Variants in HCN1 observed in about 807,000 individuals in gnomAD.
The protein encoded by HCN1 is hyperpolarization activated cyclic nucleotide gated potassium channel 1.
Under a neutral mutation model 78.9 loss-of-function variants are expected in HCN1, and 13 were observed. The ratio of observed to expected loss-of-function variants is 0.16; its 90% CI spans 0.11 to 0.26. The LOEUF is 0.26. HCN1 is among the 10% of genes least tolerant of loss of function. HCN1 has a pLI of 1.00. For missense variants in HCN1, 810 were observed against 1,154.3 expected, an observed-to-expected ratio of 0.70 and a Z score of 4.32; for synonymous variants, 552 against 455.5, an observed-to-expected ratio of 1.21 and a Z score of -2.70.
chr5:45,351,226 T>G (rs1746893874), intron 5 of HCN1, among the ~76,000 whole-genome samples: 1 of 151,552 alleles, frequency 6.6e-6, no homozygotes, highest in Non-Finnish European at 1.5e-5. Flanking sequence ...ATGCCGCATA[T>G]CTACAACTAT....
intron 5 of HCN1, among the ~76,000 whole-genome samples, chr5:45,342,532 G>C (rs1746608277): frequency 6.6e-6 from 1 of 151,852 alleles, no homozygotes; most frequent in Non-Finnish European, 1.5e-5. Flanking sequence ...GTGAGCCACT[G>C]CTCCCAGCTT....
intron 2 of HCN1, among the ~76,000 whole-genome samples, chr5:45,503,614 C>T (rs981618886): frequency 2.6e-5 from 4 of 151,190 alleles, no homozygotes; most frequent in Non-Finnish European, 5.9e-5. Context: ...GTTTTAAATC[C>T]TATTATTTTT....
chr5:45,297,197 G>A (rs1745514097), intron 6 of HCN1, among the ~76,000 whole-genome samples: 1 of 152,074 alleles, frequency 6.6e-6, no homozygotes, highest in South Asian at 2.1e-4. Context: ...TGAATTAAAG[G>A]AATACGTTGG....
chr5:45,292,406 G>A (rs554956493), intron 6 of HCN1, among the ~76,000 whole-genome samples: 81 of 151,956 alleles, frequency 5.3e-4, no homozygotes, highest in South Asian at 1.7e-3. Flanking sequence ...TTTTTTAACC[G>A]TGTTAAATTT....
At chr5:45,349,286 C>T (rs942975916) in intron 5 of HCN1, among the ~76,000 whole-genome samples, 7 of 152,130 alleles carry the variant, frequency 4.6e-5, no homozygotes, top group Non-Finnish European at 7.4e-5. Context: ...GGGTACATAA[C>T]GAAATGAAGG....
chr5:45,453,105 T>G (rs972298099), intron 3 of HCN1, among the ~76,000 whole-genome samples: 3 of 152,006 alleles, frequency 2.0e-5, no homozygotes, highest in African/African-American at 7.2e-5. Context: ...GTCTGGAAAA[T>G]TATCTGAAAA....
intron 5 of HCN1, among the ~76,000 whole-genome samples, chr5:45,339,708 G>T (rs1746535614): frequency 6.6e-6 from 1 of 152,146 alleles, no homozygotes; most frequent in Non-Finnish European, 1.5e-5. Flanking sequence ...TGTGACAGAT[G>T]TTGAGGTAAT....
intron 2 of HCN1, among the ~76,000 whole-genome samples, chr5:45,588,843 A>T (rs936585583): frequency 2.0e-5 from 3 of 152,222 alleles, no homozygotes; most frequent in Admixed American, 6.5e-5. Context: ...CTTGCTGGGC[A>T]TGCTGAGCTC....
chr5:45,502,342 C>T (rs1388106240), intron 2 of HCN1, among the ~76,000 whole-genome samples: 4 of 151,570 alleles, frequency 2.6e-5, no homozygotes, highest in East Asian at 1.9e-4. Flanking sequence ...AATAGCCAGC[C>T]GTGGTGGTGC....
At chr5:45,509,801 T>C (rs774300130) in intron 2 of HCN1, among the ~76,000 whole-genome samples, 2 of 152,158 alleles carry the variant, frequency 1.3e-5, no homozygotes, top group Non-Finnish European at 2.9e-5. Context: ...AAATACATTT[T>C]GTTGTGGAAC....
chr5:45,321,466 T>A (rs1194075830), intron 5 of HCN1, among the ~76,000 whole-genome samples: 1 of 150,266 alleles, frequency 6.7e-6, no homozygotes. Context: ...CAGTGGGGCC[T>A]CCCTGTTATC....
At chr5:45,301,143 A>G (rs1745609481) in intron 6 of HCN1, among the ~76,000 whole-genome samples, 1 of 152,014 alleles carries the variant, frequency 6.6e-6, no homozygotes, top group Non-Finnish European at 1.5e-5. Context: ...CTTAGCTGTA[A>G]ATGAGGAACA....
intron 5 of HCN1, among the ~76,000 whole-genome samples, chr5:45,326,237 T>A (rs889464064): frequency 2.0e-5 from 3 of 151,670 alleles, no homozygotes; most frequent in African/African-American, 7.2e-5. Context: ...CATAAATTTT[T>A]AAAAAATAAA....
intron 4 of HCN1, among the ~76,000 whole-genome samples, chr5:45,365,822 G>T (rs1747223639): frequency 6.6e-6 from 1 of 151,790 alleles, no homozygotes; most frequent in East Asian, 1.9e-4. Context: ...AAACAAGCAA[G>T]TCAGACACCT....
intron 3 of HCN1, among the ~76,000 whole-genome samples, chr5:45,417,689 C>T (rs972510865): frequency 3.0e-5 from 4 of 132,744 alleles, no homozygotes; most frequent in South Asian, 4.7e-4. Context: ...TTAATTTAGC[C>T]AAGCAGACAA....
rs1001972554 is a variant in HCN1, at chr5:45,493,646, A to T, written c.850-31639T>A. ...TTAAGTTTTAGGGTACATGTGCACA[A>T]TGTGCAGGTTAGTTACATATGTATA... On this transcript the variant is annotated intron_variant, in intron 2 of 7. Coordinates refer to ENST00000303230, the MANE Select transcript of HCN1 (RefSeq NM_021072.4). Among the ~76,000 whole-genome samples, 13 of 151,512 alleles carry T rather than the reference A, an allele frequency of 8.6e-5. 1 individual carries two copies. The highest frequency in any genetic ancestry group is 1.8e-4 in the Non-Finnish European group (12 of 67,908).
At chr5:45,533,386 G>A (rs111996881) in intron 2 of HCN1, among the ~76,000 whole-genome samples, 2 of 151,934 alleles carry the variant, frequency 1.3e-5, no homozygotes, top group East Asian at 3.9e-4. Context: ...TTATTCCAGG[G>A]AGCTGCCTAA....
intron 2 of HCN1, chr5:45,617,233 T>C (rs1744975200): frequency 6.6e-6 from 1 of 152,108 alleles, no homozygotes; most frequent in Admixed American, 6.6e-5. Flanking sequence ...GTTAATAATG[T>C]CTGTCAACCT....
chr5:45,374,912 A>AGAACTATACTATAGTTCATGGAAAGTT (rs1335835614), intron 4 of HCN1, among the ~76,000 whole-genome samples: 8 of 144,878 alleles, frequency 5.5e-5, no homozygotes, highest in African/African-American at 2.0e-4. Context: ...AGAGAGAGAG[A>AGAACTATACTATAGTTCATGGAAAGTT]GAACTATACT....
Sources: gnomAD v4.1 joint callset for allele counts (sites outside exome capture counted in the v4.1 genomes callset) on GRCh38, gnomAD v4.1.1 for gene constraint, MANE v1.5 for transcripts, NCBI Gene and HGNC (gene_info 2026-07-23, HGNC 2026-07-21) for gene names.